TANC2: variants seen among roughly 807,000 people sequenced by gnomAD.
TANC2 encodes the protein tetratricopeptide repeat, ankyrin repeat and coiled-coil containing 2, also known as protein TANC2.
A neutral mutation model predicts 210.5 loss-of-function variants in TANC2; 26 were observed. The ratio of observed to expected loss-of-function variants is 0.12; its 90% confidence interval spans 0.09 to 0.17. The LOEUF (loss-of-function observed/expected upper bound fraction) is 0.17, where lower values mean the gene tolerates loss of function less well. TANC2 is among the 10% of genes least tolerant of loss of function. The pLI, the probability that TANC2 is intolerant of heterozygous loss-of-function variation, is 1.00. For missense variants in TANC2, 2,129 were observed against 2,608.9 expected, an observed-to-expected ratio of 0.82 and a Z score of 4.01; for synonymous variants, 931 against 967.1, an observed-to-expected ratio of 0.96 and a Z score of 0.69.
intron 5 of TANC2, among the ~76,000 whole-genome samples, chr17:63,157,175 G>A (rs533422820): frequency 2.0e-5 from 3 of 152,160 alleles, no homozygotes; most frequent in South Asian, 4.1e-4. Context: ...CTCATCCTAT[G>A]CTTTGGGAGA....
intron 1 of TANC2, among the ~76,000 whole-genome samples, chr17:63,008,460 C>G (rs1173616865): frequency 6.6e-6 from 1 of 151,968 alleles, no homozygotes; most frequent in African/African-American, 2.4e-5. Flanking sequence ...CTGGACACAC[C>G]AAGTACTTAC....
At chr17:63,408,251 G>A (rs2048580112) in intron 21 of TANC2, among the ~76,000 whole-genome samples, 1 of 152,198 alleles carries the variant, frequency 6.6e-6, no homozygotes, top group African/African-American at 2.4e-5. Flanking sequence ...TTAGATGTAG[G>A]AAATAAGGAT....
At chr17:63,115,497 C>T (rs1042543805) in intron 4 of TANC2, among the ~76,000 whole-genome samples, 43 of 152,226 alleles carry the variant, frequency 2.8e-4, no homozygotes, top group African/African-American at 1.0e-3. Flanking sequence ...AATCCTTGAA[C>T]GCTAGTCCGC....
At chr17:63,398,304 T>A (rs184273866) in intron 18 of TANC2, among the ~76,000 whole-genome samples, 10 of 152,028 alleles carry the variant, frequency 6.6e-5, no homozygotes, top group African/African-American at 1.9e-4. Context: ...AAAACTTTTT[T>A]AATTAGCCAG....
chr17:63,189,101 G>A (rs755375698), intron 5 of TANC2, among the ~76,000 whole-genome samples: 1 of 151,952 alleles, frequency 6.6e-6, no homozygotes, highest in East Asian at 1.9e-4. Flanking sequence ...TTTATGGCAT[G>A]TATCAGTATT....
intron 5 of TANC2, among the ~76,000 whole-genome samples, chr17:63,178,366 A>G (rs1351031564): frequency 6.6e-6 from 1 of 152,006 alleles, no homozygotes; most frequent in African/African-American, 2.4e-5. Flanking sequence ...CTATGGGCGC[A>G]CATAAGCTAG....
At chr17:63,388,486 C>T in intron 15 of TANC2, 149 bp from the exon 16 acceptor site, 2 of 718,402 alleles carry the variant, frequency 2.8e-6, no homozygotes. Context: ...TCTTTGTCCC[C>T]CCACCTAGGC....
intron 4 of TANC2, among the ~76,000 whole-genome samples, chr17:63,137,089 T>A (rs1294238526): frequency 6.6e-6 from 1 of 152,188 alleles, no homozygotes; most frequent in Non-Finnish European, 1.5e-5. Flanking sequence ...TTATTTTTTA[T>A]TTTTTATTTT....
At chr17:63,082,653 C>A (rs963215519) in intron 3 of TANC2, among the ~76,000 whole-genome samples, 1 of 152,136 alleles carries the variant, frequency 6.6e-6, no homozygotes, top group Non-Finnish European at 1.5e-5. Context: ...ACCTACCTGT[C>A]CCCCGGCACA....
chr17:63,111,450 G>GT (rs986364214), intron 4 of TANC2, among the ~76,000 whole-genome samples: 5 of 152,278 alleles, frequency 3.3e-5, no homozygotes, highest in South Asian at 2.1e-4. Context: ...GTCCTTGTCT[G>GT]TTTTTTAATT....
intron 7 of TANC2, among the ~76,000 whole-genome samples, chr17:63,208,120 G>A (rs1052032554): frequency 1.3e-4 from 19 of 151,998 alleles, no homozygotes; most frequent in African/African-American, 4.3e-4. Context: ...TTAATAGGAA[G>A]CCTTAATTTT....
chr17:63,147,570 G>C (rs940763631), intron 4 of TANC2, among the ~76,000 whole-genome samples: 4 of 152,070 alleles, frequency 2.6e-5, no homozygotes, highest in African/African-American at 9.7e-5. Flanking sequence ...AGATTGCTGG[G>C]CCCCCACCTT....
In TANC2 at chr17:63,093,028, C is replaced by T. The variant is rs180685203; in HGVS notation, c.140-6147C>T. The stretch of plus-strand genomic sequence containing the variant: ...TGTTTTGCAAGTATTTTCTTTCAAT[C>T]GGTACTGCTTTTCATTTTGTAACAC... On this transcript the variant is annotated intron_variant, in intron 3 of 27. Transcript: ENST00000689528. Among the ~76,000 whole-genome samples the T allele has an allele frequency of 7.4e-4, 113 of 152,188 alleles. No individual in the cohort carries two copies. The South Asian group carries it at 0.012, about 17-fold the overall frequency.
At chr17:63,359,793 T>C (rs2046904676) in intron 14 of TANC2, among the ~76,000 whole-genome samples, 1 of 152,240 alleles carries the variant, frequency 6.6e-6, no homozygotes, top group Non-Finnish European at 1.5e-5. Flanking sequence ...TGGTTTGACC[T>C]GATTTCCTCA....
At chr17:63,148,484 G>A (rs953379808) in intron 4 of TANC2, 1 of 152,078 alleles carries the variant, frequency 6.6e-6, no homozygotes, top group African/African-American at 2.4e-5. Flanking sequence ...AGATTTTTCA[G>A]ATCACTCTAC....
intron 9 of TANC2, among the ~76,000 whole-genome samples, chr17:63,309,888 C>G (rs1261702596): frequency 6.6e-6 from 1 of 151,574 alleles, no homozygotes; most frequent in Non-Finnish European, 1.5e-5. Context: ...AAAAACAAAC[C>G]CAATATGAAT....
chr17:63,263,312 T>C (rs2043424825), intron 8 of TANC2, among the ~76,000 whole-genome samples: 1 of 152,150 alleles, frequency 6.6e-6, no homozygotes, highest in South Asian at 2.1e-4. Context: ...GATAATTATA[T>C]ATTATAACTA....
chr17:63,394,964 C>G (rs2048106435), intron 17 of TANC2, among the ~76,000 whole-genome samples: 1 of 152,186 alleles, frequency 6.6e-6, no homozygotes, highest in Non-Finnish European at 1.5e-5. Flanking sequence ...GAACTGAAAT[C>G]AGTAGGAAAG....
chr17:63,178,412 T>C (rs2040666820), intron 5 of TANC2, among the ~76,000 whole-genome samples: 1 of 152,162 alleles, frequency 6.6e-6, no homozygotes, highest in African/African-American at 2.4e-5. Context: ...GTAGTGGGCA[T>C]TGATTCTCAC....
Sources: gnomAD v4.1 joint callset for allele counts (sites outside exome capture counted in the v4.1 genomes callset) on GRCh38, gnomAD v4.1.1 for gene constraint, MANE v1.5 for transcripts, NCBI Gene and HGNC (gene_info 2026-07-23, HGNC 2026-07-21) for gene names.